The following OPCML variants were observed in gnomAD, a reference collection of about 807,000 sequenced individuals.
The protein encoded by OPCML is opioid-binding protein/cell adhesion molecule.
A neutral mutation model predicts 37.8 loss-of-function variants in OPCML; 13 were observed. That is an observed-to-expected ratio of 0.34 (90% CI 0.22 to 0.55). The LOEUF (loss-of-function observed/expected upper bound fraction) is 0.55, where lower values mean the gene tolerates loss of function less well. OPCML is among the 20% of genes least tolerant of loss of function. The pLI, the probability that OPCML is intolerant of heterozygous loss-of-function variation, is 0.91. For missense variants in OPCML, 341 were observed against 435.6 expected (o/e 0.78, Z 1.93); for synonymous variants, 176 against 168.8 (o/e 1.04, Z -0.33).
chr11:132,770,897 G>C (rs748925951), intron 2 of OPCML, among the ~76,000 whole-genome samples: 78 of 152,160 alleles, frequency 5.1e-4, no homozygotes, highest in African/African-American at 1.7e-3. Context: ...TGTATTTCCC[G>C]GGGTTAAGGC....
chr11:132,654,588 C>A (rs1454951793), intron 3 of OPCML, among the ~76,000 whole-genome samples: 1 of 149,252 alleles, frequency 6.7e-6, no homozygotes, highest in East Asian at 2.0e-4. Flanking sequence ...CCAAGAGAAG[C>A]TCCTCCTCAA....
intron 3 of OPCML, among the ~76,000 whole-genome samples, chr11:132,533,540 A>G (rs912402858): frequency 6.6e-6 from 1 of 152,128 alleles, no homozygotes; most frequent in Non-Finnish European, 1.5e-5. Context: ...TCTGCCTAAA[A>G]CCTCCAACAT....
chr11:133,292,586 G>A (rs922143539), intron 1 of OPCML, among the ~76,000 whole-genome samples: 15 of 152,114 alleles, frequency 9.9e-5, no homozygotes, highest in African/African-American at 3.4e-4. Context: ...CAAGGCAAAC[G>A]AACACGGGAG....
chr11:133,505,231 C>T (rs1948000499), intron 1 of OPCML, among the ~76,000 whole-genome samples: 1 of 152,186 alleles, frequency 6.6e-6, no homozygotes, highest in Non-Finnish European at 1.5e-5. Flanking sequence ...AAGACCTGGC[C>T]TTTTGAGATG....
intron 2 of OPCML, chr11:132,771,819 C>T (rs1484146692): frequency 1.3e-5 from 2 of 152,236 alleles, no homozygotes; most frequent in Admixed American, 1.3e-4. Context: ...GGTGACTCTT[C>T]AGGAAGGAGT....
chr11:133,114,053 C>T (rs1949295765), intron 1 of OPCML, among the ~76,000 whole-genome samples: 1 of 152,184 alleles, frequency 6.6e-6, no homozygotes, highest in Admixed American at 6.5e-5. Context: ...AGCATAAGTA[C>T]AAAATAAACA....
intron 2 of OPCML, among the ~76,000 whole-genome samples, chr11:132,893,056 C>T (rs1402622997): frequency 2.0e-5 from 3 of 152,180 alleles, no homozygotes; most frequent in African/African-American, 7.2e-5. Context: ...TGCCATCAAC[C>T]TTCTACCCCC....
chr11:132,434,347 G>A (rs2096006549), intron 7 of OPCML, among the ~76,000 whole-genome samples: 2 of 152,162 alleles, frequency 1.3e-5, no homozygotes, highest in African/African-American at 2.4e-5. Context: ...AGAACAGTAG[G>A]GTTGAGGGTC....
intron 3 of OPCML, among the ~76,000 whole-genome samples, chr11:132,652,849 G>A (rs761383574): frequency 4.6e-5 from 7 of 152,216 alleles, no homozygotes; most frequent in East Asian, 1.9e-4. Flanking sequence ...CTTTATGATC[G>A]CTGTGTTCCT....
intron 3 of OPCML, among the ~76,000 whole-genome samples, chr11:132,603,298 C>A (rs1433237477): frequency 1.3e-5 from 2 of 152,166 alleles, no homozygotes; most frequent in African/African-American, 4.8e-5. Context: ...TTACTTTAAG[C>A]CAGTACCTAC....
rs375036191 is a variant in OPCML, at chr11:132,917,701, A to G, written c.146+25225T>C. Among the ~76,000 whole-genome samples, 12 of 152,334 alleles carry G rather than the reference A, an allele frequency of 7.9e-5. No homozygotes were observed. In the South Asian group the frequency reaches 1.0e-3, roughly 13 times the overall value. On this transcript the variant is annotated intron_variant, in intron 2 of 7. Transcript: ENST00000524381. ...AAGGTCACCCTTCCCTGGTGTCTACATGAAGGGCTCACTACTGTACCTGGG... is the reference window on the plus strand; with the variant it reads ...AAGGTCACCCTTCCCTGGTGTCTACGTGAAGGGCTCACTACTGTACCTGGG...
intron 1 of OPCML, among the ~76,000 whole-genome samples, chr11:133,083,481 C>CA (rs939915684): frequency 6.6e-6 from 1 of 152,224 alleles, no homozygotes; most frequent in African/African-American, 2.4e-5. Context: ...AGGGGCCAGG[C>CA]AGGGCCCCGG....
chr11:133,102,114 T>A (rs1949092283), intron 1 of OPCML, among the ~76,000 whole-genome samples: 1 of 152,220 alleles, frequency 6.6e-6, no homozygotes, highest in Non-Finnish European at 1.5e-5. Flanking sequence ...CTGTATGGTA[T>A]TATCATGGTG....
In OPCML at chr11:132,506,047, T is replaced by A. The variant is rs540174303; in HGVS notation, c.505+23014A>T. On this transcript the variant is annotated intron_variant, in intron 4 of 7. Coordinates refer to ENST00000524381, the MANE Select transcript of OPCML (RefSeq NM_001012393.5). Reference sequence around the variant, plus strand: ...CACAGAAAATGGATTACTCATACAATTACAACTATCAGAAAAGAAGACCTC... The same window carrying A: ...CACAGAAAATGGATTACTCATACAAATACAACTATCAGAAAAGAAGACCTC... Among the ~76,000 whole-genome samples the A allele has an allele frequency of 2.2e-3, 338 of 152,290 alleles. 2 individuals are homozygous for A. The highest frequency in any genetic ancestry group is 0.02 in the Middle Eastern group (6 of 294).
intron 2 of OPCML, among the ~76,000 whole-genome samples, chr11:132,813,022 C>A (rs1238028328): frequency 6.6e-6 from 1 of 152,162 alleles, no homozygotes; most frequent in Non-Finnish European, 1.5e-5. Context: ...AACTTATAAA[C>A]TTTCAAGTTA....
chr11:133,484,685 G>C (rs1850061770), intron 1 of OPCML, among the ~76,000 whole-genome samples: 1 of 152,076 alleles, frequency 6.6e-6, no homozygotes. Context: ...TGTGTATATT[G>C]TAAAATAATA....
chr11:133,489,002 T>A (rs1947594179), intron 1 of OPCML, among the ~76,000 whole-genome samples: 1 of 145,662 alleles, frequency 6.9e-6, no homozygotes, highest in African/African-American at 2.6e-5. Context: ...CTTCACTAAA[T>A]GGTGTTGGGA....
At chr11:133,062,888 G>A (rs1240207929) in intron 1 of OPCML, among the ~76,000 whole-genome samples, 1 of 152,244 alleles carries the variant, frequency 6.6e-6, no homozygotes, top group East Asian at 1.9e-4. Flanking sequence ...CCTTGCTCCA[G>A]CACTGCTGCA....
rs915175084 is a variant in OPCML at position 133,146,288 on chromosome 11, G to A, written c.62-203278C>T. Among the ~76,000 whole-genome samples the A allele has an allele frequency of 1.8e-4, 27 of 151,028 alleles. 1 individual carries two copies. Among genetic ancestry groups the A allele is most frequent in the Admixed American group, 1.5e-3 (22 of 15,152 alleles). ...CAATGAGAGTGTGGAGATGTTCCCT[G>A]CCATGCTCTATCTTCCATCTTTTCT... On this transcript the variant is annotated intron_variant, in intron 1 of 7. Transcript: ENST00000524381.
Sources: gnomAD v4.1 joint callset for allele counts (sites outside exome capture counted in the v4.1 genomes callset) on GRCh38, gnomAD v4.1.1 for gene constraint, MANE v1.5 for transcripts, NCBI Gene and HGNC (gene_info 2026-07-23, HGNC 2026-07-21) for gene names.